CCSER1: variants seen among roughly 807,000 people sequenced by gnomAD.
CCSER1 encodes coiled-coil serine rich protein 1.
A neutral mutation model predicts 82.0 loss-of-function variants in CCSER1; 41 were observed. The observed-to-expected ratio is 0.50, with a 90% CI of 0.39 to 0.65. CCSER1 has a LOEUF of 0.65. Ranked by LOEUF, CCSER1 falls within the 30% of genes least tolerant of loss-of-function variation. The pLI is 0.00. For synonymous variants in CCSER1, 414 were observed against 383.9 expected, an observed-to-expected ratio of 1.08 and a Z score of -0.92; for missense variants, 1,119 against 1,064.2, an observed-to-expected ratio of 1.05 and a Z score of -0.72.
chr4:90,933,643 T>TA (rs910350109), intron 9 of CCSER1, among the ~76,000 whole-genome samples: 3 of 151,806 alleles, frequency 2.0e-5, no homozygotes, highest in Admixed American at 1.3e-4. Flanking sequence ...CATAAAAATG[T>TA]AAAAAAATAC....
intron 9 of CCSER1, among the ~76,000 whole-genome samples, chr4:90,953,818 C>T (rs867094672): frequency 3.3e-5 from 5 of 151,978 alleles, no homozygotes; most frequent in East Asian, 1.9e-4. Flanking sequence ...TATCTGTAAA[C>T]ACTCAAATAA....
chr4:91,059,681 C>T (rs1743794651), intron 9 of CCSER1, among the ~76,000 whole-genome samples: 1 of 151,792 alleles, frequency 6.6e-6, no homozygotes, highest in Admixed American at 6.6e-5. Flanking sequence ...TCTGTAAGCC[C>T]ATCAGTCATA....
chr4:90,814,999 G>A (rs1462725897), intron 7 of CCSER1, among the ~76,000 whole-genome samples: 1 of 152,034 alleles, frequency 6.6e-6, no homozygotes, highest in Non-Finnish European at 1.5e-5. Context: ...CCAATTTTCT[G>A]TATTATCCAT....
At chr4:90,850,031 C>G (rs1049481127) in intron 8 of CCSER1, among the ~76,000 whole-genome samples, 5 of 152,232 alleles carry the variant, frequency 3.3e-5, no homozygotes, top group Admixed American at 2.6e-4. Flanking sequence ...GACATGGTGC[C>G]CTGCATCCCA....
chr4:90,551,156 A>G (rs1777430063), intron 5 of CCSER1, among the ~76,000 whole-genome samples: 1 of 152,146 alleles, frequency 6.6e-6, no homozygotes, highest in African/African-American at 2.4e-5. Flanking sequence ...TTAGTTTATA[A>G]GATCTTGCTA....
At chr4:90,996,908 G>A (rs1313645022) in intron 9 of CCSER1, among the ~76,000 whole-genome samples, 2 of 152,028 alleles carry the variant, frequency 1.3e-5, no homozygotes, top group African/African-American at 4.8e-5. Context: ...ACCCCTTAAA[G>A]GACATTTGGA....
chr4:90,712,579 G>A (rs1382608585), intron 6 of CCSER1, among the ~76,000 whole-genome samples: 2 of 152,058 alleles, frequency 1.3e-5, no homozygotes, highest in Admixed American at 6.6e-5. Flanking sequence ...TTTAGAGTAT[G>A]TGTCATGTGA....
At chr4:90,668,378 T>G (rs1434270923) in intron 6 of CCSER1, among the ~76,000 whole-genome samples, 4 of 152,238 alleles carry the variant, frequency 2.6e-5, no homozygotes, top group African/African-American at 9.6e-5. Context: ...TGCAGCAGAG[T>G]AAAAACTTTT....
At chr4:91,467,769 C>T (rs1325243768) in intron 10 of CCSER1, among the ~76,000 whole-genome samples, 1 of 152,160 alleles carries the variant, frequency 6.6e-6, no homozygotes, top group Non-Finnish European at 1.5e-5. Context: ...CATCACTGGC[C>T]ATCAGAGAAA....
At chr4:90,257,964 C>A (rs1723651352) in intron 1 of CCSER1, among the ~76,000 whole-genome samples, 1 of 152,180 alleles carries the variant, frequency 6.6e-6, no homozygotes, top group Admixed American at 6.5e-5. Flanking sequence ...CATAGACTCA[C>A]AGACATACCC....
chr4:90,133,326 A>G (rs1191147529), intron 1 of CCSER1, among the ~76,000 whole-genome samples: 1 of 152,186 alleles, frequency 6.6e-6, no homozygotes, highest in South Asian at 2.1e-4. Context: ...AATACATGAA[A>G]ATTTAACTGG....
chr4:90,762,629 A>G (rs1038489005), intron 7 of CCSER1, among the ~76,000 whole-genome samples: 7 of 152,164 alleles, frequency 4.6e-5, no homozygotes, highest in African/African-American at 1.7e-4. Flanking sequence ...TAAACTGTTT[A>G]TGGCTTCTAA....
chr4:90,887,034 C>G (rs576133247), intron 8 of CCSER1, among the ~76,000 whole-genome samples: 1 of 152,252 alleles, frequency 6.6e-6, no homozygotes, highest in South Asian at 2.1e-4. Flanking sequence ...TTTATACACA[C>G]ACAGATATAA....
intron 1 of CCSER1, among the ~76,000 whole-genome samples, chr4:90,268,254 A>G (rs1218841810): frequency 6.6e-6 from 1 of 152,200 alleles, no homozygotes; most frequent in African/African-American, 2.4e-5. Context: ...ACAGAATATT[A>G]TAATGTTGTA....
intron 3 of CCSER1, among the ~76,000 whole-genome samples, chr4:90,342,308 A>T (rs953672857): frequency 1.3e-5 from 2 of 152,172 alleles, no homozygotes; most frequent in African/African-American, 4.8e-5. Flanking sequence ...TGCATATATG[A>T]GGCCTTTACA....
At chr4:90,140,518 A>G (rs1261409757) in intron 1 of CCSER1, among the ~76,000 whole-genome samples, 3 of 152,270 alleles carry the variant, frequency 2.0e-5, no homozygotes, top group African/African-American at 7.2e-5. Flanking sequence ...TTTTACTGGA[A>G]TATTTTTTGA....
intron 6 of CCSER1, among the ~76,000 whole-genome samples, chr4:90,629,832 C>T (rs913715562): frequency 6.6e-5 from 10 of 152,130 alleles, no homozygotes; most frequent in African/African-American, 2.4e-4. Flanking sequence ...ATTATATGAA[C>T]TTAAATCAAT....
At chr4:91,040,862 A>G (rs1461605) in intron 9 of CCSER1, among the ~76,000 whole-genome samples, 62,725 of 151,934 alleles carry the variant, frequency 0.41, 13,364 homozygotes, top group East Asian at 0.64. Context: ...TATTTAAAAG[A>G]GATGAGAGAC....
intron 3 of CCSER1, among the ~76,000 whole-genome samples, chr4:90,329,604 T>C (rs560492368): frequency 2.2e-4 from 33 of 152,266 alleles, no homozygotes; most frequent in African/African-American, 7.5e-4. Flanking sequence ...TAATGTGCTA[T>C]TTACTTGATT....
Sources: allele counts gnomAD v4.1 joint callset (sites outside exome capture counted in the v4.1 genomes callset), GRCh38; gene constraint gnomAD v4.1.1; transcripts MANE v1.5; gene names NCBI Gene and HGNC (gene_info 2026-07-23, HGNC 2026-07-21).